The following ZBTB7C variants were observed in gnomAD, a reference collection of about 807,000 sequenced individuals.
ZBTB7C encodes the protein zinc finger and BTB domain-containing protein 7C.
A neutral mutation model predicts 25.7 loss-of-function variants in ZBTB7C; 8 were observed. The ratio of observed to expected loss-of-function variants is 0.31; its 90% CI spans 0.18 to 0.56. ZBTB7C has a LOEUF of 0.56. Ranked by LOEUF, ZBTB7C falls within the 20% of genes least tolerant of loss-of-function variation. The pLI is 0.91. For missense variants in ZBTB7C, 824 were observed against 855.2 expected (o/e 0.96, Z 0.46); for synonymous variants, 394 against 369.0 (o/e 1.07, Z -0.78).
At chr18:48,100,359 G>A (rs939097036) in intron 3 of ZBTB7C, among the ~76,000 whole-genome samples, 1 of 152,196 alleles carries the variant, frequency 6.6e-6, no homozygotes, top group African/African-American at 2.4e-5. Flanking sequence ...TGAAGAGGAG[G>A]CTGGTTCTGC....
At chr18:48,404,671 G>A (rs73437434) in intron 1 of ZBTB7C, among the ~76,000 whole-genome samples, 6,115 of 152,272 alleles carry the variant, frequency 0.04, 407 homozygotes, top group African/African-American at 0.13. Context: ...CACAATGCCT[G>A]TGGGAACCCC....
chr18:48,302,696 G>A (rs972346018), intron 2 of ZBTB7C, among the ~76,000 whole-genome samples: 1 of 103,240 alleles, frequency 9.7e-6, no homozygotes, highest in African/African-American at 3.8e-5. Context: ...CTTCTCATGT[G>A]GTTCTCACAA....
intron 2 of ZBTB7C, among the ~76,000 whole-genome samples, chr18:48,330,148 G>A (rs1001207918): frequency 6.6e-6 from 1 of 152,178 alleles, no homozygotes; most frequent in African/African-American, 2.4e-5. Context: ...CTTCTAACAA[G>A]CTCGGAGGGA....
chr18:48,283,497 A>G (rs1331212604), intron 2 of ZBTB7C, among the ~76,000 whole-genome samples: 2 of 152,238 alleles, frequency 1.3e-5, no homozygotes, highest in African/African-American at 4.8e-5. Context: ...ACAAACATGT[A>G]CTAAAATCTT....
chr18:48,259,427 CTA>C (rs1225738544), intron 2 of ZBTB7C, among the ~76,000 whole-genome samples: 2 of 130,928 alleles, frequency 1.5e-5, no homozygotes, highest in Non-Finnish European at 3.1e-5. Flanking sequence ...AAACCTAAAA[CTA>C]TAGAATTTTT....
At chr18:48,157,008 C>T (rs996960272) in intron 3 of ZBTB7C, among the ~76,000 whole-genome samples, 5 of 152,044 alleles carry the variant, frequency 3.3e-5, no homozygotes, top group Admixed American at 6.6e-5. Context: ...CTTCTGAATA[C>T]AGGCCAGAAT....
intron 3 of ZBTB7C, among the ~76,000 whole-genome samples, chr18:48,159,079 CT>C (rs151022904): frequency 0.045 from 6,790 of 152,334 alleles, 184 homozygotes; most frequent in Middle Eastern, 0.075. Context: ...GTCAAGTCCA[CT>C]CCTGGCCTCA....
chr18:48,199,118 T>G (rs1387426256), intron 2 of ZBTB7C, among the ~76,000 whole-genome samples: 1 of 152,248 alleles, frequency 6.6e-6, no homozygotes, highest in Non-Finnish European at 1.5e-5. Flanking sequence ...TTCCGATTTT[T>G]GCAGGCAACG....
intron 1 of ZBTB7C, among the ~76,000 whole-genome samples, chr18:48,361,134 C>G (rs564135844): frequency 6.6e-6 from 1 of 152,066 alleles, no homozygotes; most frequent in African/African-American, 2.4e-5. Context: ...CCCAGGACTA[C>G]GAACATCTCA....
At chr18:48,219,156 T>A (rs1334799009) in intron 2 of ZBTB7C, among the ~76,000 whole-genome samples, 5 of 152,154 alleles carry the variant, frequency 3.3e-5, no homozygotes, top group Admixed American at 6.5e-5. Context: ...GTCTTATAGA[T>A]GCAGCAGCCA....
chr18:48,168,838 C>T (rs2041362541), intron 3 of ZBTB7C, among the ~76,000 whole-genome samples: 1 of 152,220 alleles, frequency 6.6e-6, no homozygotes, highest in South Asian at 2.1e-4. Flanking sequence ...TTATGCCTAT[C>T]CCCCTTCTCA....
chr18:48,153,211 G>A (rs1325507177), intron 3 of ZBTB7C, among the ~76,000 whole-genome samples: 1 of 152,222 alleles, frequency 6.6e-6, no homozygotes, highest in East Asian at 1.9e-4. Context: ...ATGTTACTGA[G>A]CATCTAATAT....
chr18:48,106,999 C>A (rs2039053439), intron 3 of ZBTB7C, among the ~76,000 whole-genome samples: 1 of 151,884 alleles, frequency 6.6e-6, no homozygotes, highest in Non-Finnish European at 1.5e-5. Context: ...GGAATGAGAG[C>A]CTCAGCTGAA....
intron 3 of ZBTB7C, among the ~76,000 whole-genome samples, chr18:48,117,297 C>T (rs959702070): frequency 1.3e-5 from 2 of 152,134 alleles, no homozygotes; most frequent in Admixed American, 6.5e-5. Flanking sequence ...GAATCTACAG[C>T]CGAGGTGGGC....
intron 3 of ZBTB7C, among the ~76,000 whole-genome samples, chr18:48,093,257 T>A (rs2038487004): frequency 6.6e-6 from 1 of 152,142 alleles, no homozygotes; most frequent in African/African-American, 2.4e-5. Flanking sequence ...ATACCCGGTT[T>A]CTCCCTTCTT....
chr18:48,070,708 A>G (rs1392120909), intron 3 of ZBTB7C, among the ~76,000 whole-genome samples: 1 of 152,218 alleles, frequency 6.6e-6, no homozygotes, highest in Admixed American at 6.5e-5. Context: ...AGTGACAGGC[A>G]TCTGTACATG....
At chr18:48,166,471 C>A (rs1046457225) in intron 3 of ZBTB7C, among the ~76,000 whole-genome samples, 2 of 152,084 alleles carry the variant, frequency 1.3e-5, no homozygotes, top group Non-Finnish European at 2.9e-5. Context: ...TTCTCAGACC[C>A]CCGGTTTCTC....
chr18:48,294,058 G>A (rs2045316207), intron 2 of ZBTB7C, among the ~76,000 whole-genome samples: 2 of 152,214 alleles, frequency 1.3e-5, no homozygotes, highest in South Asian at 4.1e-4. Flanking sequence ...TCATTAGCAC[G>A]AATGCGGTGT....
intron 3 of ZBTB7C, among the ~76,000 whole-genome samples, chr18:48,154,796 T>TGCC (rs1470037703): frequency 1.3e-4 from 20 of 152,322 alleles, no homozygotes; most frequent in Non-Finnish European, 2.2e-4. Context: ...CACCTGCAAG[T>TGCC]GCCCCTGGCT....
Sources: allele counts gnomAD v4.1 joint callset (sites outside exome capture counted in the v4.1 genomes callset), GRCh38; gene constraint gnomAD v4.1.1; transcripts MANE v1.5; gene names NCBI Gene and HGNC (gene_info 2026-07-23, HGNC 2026-07-21).